Variants in ELOVL6 observed in about 807,000 individuals in gnomAD.
The protein encoded by ELOVL6 is ELOVL fatty acid elongase 6, also known as very long chain fatty acid elongase 6.
Under a neutral mutation model 31.7 loss-of-function variants are expected in ELOVL6, and 8 were observed. That is an observed-to-expected ratio of 0.25 (90% confidence interval 0.15 to 0.45). The LOEUF (loss-of-function observed/expected upper bound fraction) is 0.45. Among genes scored for constraint, ELOVL6 ranks in the 20% least tolerant of loss-of-function variants. The pLI is 1.00. For synonymous variants in ELOVL6, 101 were observed against 117.7 expected, an observed-to-expected ratio of 0.86 and a Z score of 0.92; for missense variants, 126 against 326.4, an observed-to-expected ratio of 0.39 and a Z score of 4.73.
At chr4:110,173,327 A>G (rs1488818379) in intron 1 of ELOVL6, among the ~76,000 whole-genome samples, 1 of 152,108 alleles carries the variant, frequency 6.6e-6, no homozygotes, top group Non-Finnish European at 1.5e-5. Flanking sequence ...CAGGATGGCA[A>G]TAACTGTTCC....
chr4:110,164,446 C>G (rs552143555), intron 1 of ELOVL6, among the ~76,000 whole-genome samples: 1 of 152,236 alleles, frequency 6.6e-6, no homozygotes, highest in Admixed American at 6.5e-5. Context: ...AAGTCTGCCA[C>G]AAGATGCCAT....
chr4:110,097,473 C>CT (rs1756617620), intron 2 of ELOVL6, among the ~76,000 whole-genome samples: 1 of 152,072 alleles, frequency 6.6e-6, no homozygotes, highest in African/African-American at 2.4e-5. Flanking sequence ...TGGCAATGGG[C>CT]TTTTTTAACT....
chr4:110,154,179 T>G (rs1381140151), intron 1 of ELOVL6, among the ~76,000 whole-genome samples: 1 of 152,132 alleles, frequency 6.6e-6, no homozygotes, highest in Non-Finnish European at 1.5e-5. Flanking sequence ...TAGGCTCAAG[T>G]GATCCTCCCA....
chr4:110,122,440 AATGCAGTGGCACAATCTCAGCTCACTG>A (rs1757381779), intron 1 of ELOVL6, among the ~76,000 whole-genome samples: 1 of 152,130 alleles, frequency 6.6e-6, no homozygotes, highest in African/African-American at 2.4e-5. Context: ...TGCAGGCTGG[AATGCAGTGGCACAATCTCAGCTCACTG>A]CAACCTCTGC....
rs150301376 is a variant in ELOVL6 at position 110,135,745 on chromosome 4, T to C, written c.90-30117A>G. 5.6e-4 allele frequency among the ~76,000 whole-genome samples: 86 copies of C among 152,308 alleles called. No individual in the cohort carries two copies. The East Asian group carries it at 0.014, about 26-fold the overall frequency. ...GAATAATGAAGTAATCCTCCTATTA[T>C]CAGCAATGGTCTGATCCAGTGCCAG... On this transcript the variant is annotated intron_variant, in intron 1 of 3. Transcript: ENST00000302274.
intron 1 of ELOVL6, among the ~76,000 whole-genome samples, chr4:110,197,583 A>G (rs1759846711): frequency 6.6e-6 from 1 of 151,944 alleles, no homozygotes; most frequent in Non-Finnish European, 1.5e-5. Flanking sequence ...TCATTCATTT[A>G]TTACTGTTTT....
chr4:110,126,184 C>T (rs543762355), intron 1 of ELOVL6, among the ~76,000 whole-genome samples: 1 of 152,198 alleles, frequency 6.6e-6, no homozygotes, highest in African/African-American at 2.4e-5. Flanking sequence ...GCTAGGACTA[C>T]AGGCATGTAC....
intron 1 of ELOVL6, among the ~76,000 whole-genome samples, chr4:110,107,577 G>A (rs1756922697): frequency 6.6e-6 from 1 of 151,938 alleles, no homozygotes; most frequent in Admixed American, 6.6e-5. Flanking sequence ...TTTAACTATT[G>A]GACATTTCAG....
chr4:110,092,207 A>C (rs1349923773), intron 2 of ELOVL6, among the ~76,000 whole-genome samples: 1 of 152,214 alleles, frequency 6.6e-6, no homozygotes, highest in African/African-American at 2.4e-5. Flanking sequence ...ATGCAAAATC[A>C]AGTCAGATCT....
At chr4:110,139,753 C>A (rs192392896) in intron 1 of ELOVL6, among the ~76,000 whole-genome samples, 1 of 152,240 alleles carries the variant, frequency 6.6e-6, no homozygotes, top group South Asian at 2.1e-4. Flanking sequence ...ACCTCTCATT[C>A]GACAGGTACC....
intron 1 of ELOVL6, among the ~76,000 whole-genome samples, chr4:110,123,245 T>TTTTAAATCTAAACAGTAAATTTACTG (rs1266873896): frequency 2.6e-5 from 4 of 152,226 alleles, no homozygotes; most frequent in Admixed American, 2.6e-4. Flanking sequence ...ACTCACTTTA[T>TTTTAAATCTAAACAGTAAATTTACTG]TTTAAATCTA....
At chr4:110,158,088 T>A (rs1439979404) in intron 1 of ELOVL6, among the ~76,000 whole-genome samples, 1 of 152,222 alleles carries the variant, frequency 6.6e-6, no homozygotes, top group East Asian at 1.9e-4. Flanking sequence ...CTTTAACACA[T>A]GGTTTCAGAA....
chr4:110,118,565 T>A (rs759749457), intron 1 of ELOVL6, among the ~76,000 whole-genome samples: 1 of 152,234 alleles, frequency 6.6e-6, no homozygotes, highest in Non-Finnish European at 1.5e-5. Flanking sequence ...TTTATCCATG[T>A]AGTCACAAAT....
At chr4:110,102,556 G>A (rs1756778065) in intron 2 of ELOVL6, among the ~76,000 whole-genome samples, 1 of 152,076 alleles carries the variant, frequency 6.6e-6, no homozygotes, top group Admixed American at 6.6e-5. Context: ...CTACATGGGA[G>A]GCTAAGTTAG....
At chr4:110,052,406 G>T (rs575199961) in intron 3 of ELOVL6, among the ~76,000 whole-genome samples, 1 of 152,296 alleles carries the variant, frequency 6.6e-6, no homozygotes, top group African/African-American at 2.4e-5. Context: ...GAAAAAGGGG[G>T]ACAAAAATCC....
intron 1 of ELOVL6, among the ~76,000 whole-genome samples, chr4:110,180,256 T>C (rs959053576): frequency 1.3e-5 from 2 of 152,246 alleles, no homozygotes; most frequent in African/African-American, 2.4e-5. Flanking sequence ...TAAGCCCAGA[T>C]AGCAGATATA....
At chr4:110,151,042 G>GA (rs200890182) in intron 1 of ELOVL6, among the ~76,000 whole-genome samples, 7,556 of 128,278 alleles carry the variant, frequency 0.059, 229 homozygotes, top group South Asian at 0.13. Flanking sequence ...GACTCCGTCT[G>GA]AAAAAAAAAA....
intron 2 of ELOVL6, among the ~76,000 whole-genome samples, chr4:110,085,021 T>C (rs914615666): frequency 6.6e-6 from 1 of 152,140 alleles, no homozygotes; most frequent in Admixed American, 6.5e-5. Context: ...TATTTGTGTA[T>C]TGATTAAGTT....
At chr4:110,148,848 C>T (rs568532850) in intron 1 of ELOVL6, among the ~76,000 whole-genome samples, 3 of 151,938 alleles carry the variant, frequency 2.0e-5, no homozygotes, top group East Asian at 1.9e-4. Context: ...GGAAAGTGAA[C>T]GCTTATATAC....
Sources: gnomAD v4.1 joint callset for allele counts (sites outside exome capture counted in the v4.1 genomes callset) on GRCh38, gnomAD v4.1.1 for gene constraint, MANE v1.5 for transcripts, NCBI Gene and HGNC (gene_info 2026-07-23, HGNC 2026-07-21) for gene names.